Variants in PTPRD observed in about 807,000 individuals in gnomAD.
PTPRD encodes protein tyrosine phosphatase receptor type D, also known as receptor-type tyrosine-protein phosphatase delta.
Under a neutral mutation model 214.5 loss-of-function variants are expected in PTPRD, and 34 were observed. The ratio of observed to expected loss-of-function variants is 0.16; its 90% CI spans 0.12 to 0.21. PTPRD has a LOEUF of 0.21. Ranked by LOEUF, PTPRD falls within the 10% of genes least tolerant of loss-of-function variation. The probability of loss-of-function intolerance (pLI) is 1.00; values close to 1 mark genes in which losing one functional copy is unlikely to be tolerated. For synonymous variants in PTPRD, 1,128 were observed against 845.7 expected, an observed-to-expected ratio of 1.33 and a Z score of -5.79; for missense variants, 2,545 against 2,398.7, an observed-to-expected ratio of 1.06 and a Z score of -1.27.
At chr9:10,384,263 C>G (rs1352414160) in intron 2 of PTPRD, among the ~76,000 whole-genome samples, 1 of 151,362 alleles carries the variant, frequency 6.6e-6, no homozygotes, top group East Asian at 2.0e-4. Flanking sequence ...CATTACATGC[C>G]TATATCAAAA....
intron 3 of PTPRD, among the ~76,000 whole-genome samples, chr9:10,139,786 G>C (rs1308011882): frequency 1.3e-5 from 2 of 151,964 alleles, no homozygotes; most frequent in East Asian, 1.9e-4. Flanking sequence ...ATAAGGAATG[G>C]GGCAAAGATT....
chr9:10,581,586 T>C (rs941122257), intron 2 of PTPRD, among the ~76,000 whole-genome samples: 5 of 152,188 alleles, frequency 3.3e-5, no homozygotes, highest in Admixed American at 6.5e-5. Flanking sequence ...TTCCCAATGA[T>C]AGTTACCAGG....
chr9:8,891,145 T>TCC, intron 11 of PTPRD, among the ~76,000 whole-genome samples: 1 of 147,492 alleles, frequency 6.8e-6, no homozygotes, highest in Non-Finnish European at 1.5e-5. Flanking sequence ...TAATTTTTTT[T>TCC]TTTTTTGAGA....
chr9:8,690,321 A>G (rs537083030), intron 12 of PTPRD, among the ~76,000 whole-genome samples: 2 of 151,888 alleles, frequency 1.3e-5, no homozygotes, highest in Non-Finnish European at 2.9e-5. Flanking sequence ...AGGTCAGGAC[A>G]TGGAGACCAT....
chr9:10,115,958 T>G (rs189841578), intron 3 of PTPRD, among the ~76,000 whole-genome samples: 8 of 152,144 alleles, frequency 5.3e-5, no homozygotes, highest in African/African-American at 1.7e-4. Flanking sequence ...TATGGAAACA[T>G]GCAATACATA....
chr9:9,681,012 T>C (rs866585556), intron 7 of PTPRD, among the ~76,000 whole-genome samples: 12 of 151,958 alleles, frequency 7.9e-5, no homozygotes, highest in Middle Eastern at 3.4e-3. Context: ...GTAAAATTTT[T>C]CACACAGAGC....
At chr9:9,626,976 T>A (rs1197178333) in intron 7 of PTPRD, among the ~76,000 whole-genome samples, 1 of 152,202 alleles carries the variant, frequency 6.6e-6, no homozygotes, top group African/African-American at 2.4e-5. Flanking sequence ...TTAGGAATAG[T>A]ATAAGACAGA....
At chr9:8,530,712 G>A (rs186450041) in intron 14 of PTPRD, among the ~76,000 whole-genome samples, 88 of 152,160 alleles carry the variant, frequency 5.8e-4, no homozygotes, top group African/African-American at 2.1e-3. Flanking sequence ...CAGAACTTCT[G>A]GTAGAGAGGC....
At chr9:9,231,130 C>T (rs1260617066) in intron 9 of PTPRD, among the ~76,000 whole-genome samples, 1 of 152,058 alleles carries the variant, frequency 6.6e-6, no homozygotes, top group African/African-American at 2.4e-5. Flanking sequence ...GTTTTGGTAA[C>T]AGGCTTATAT....
chr9:10,377,226 G>A (rs2097748736), intron 2 of PTPRD, among the ~76,000 whole-genome samples: 1 of 151,900 alleles, frequency 6.6e-6, no homozygotes, highest in African/African-American at 2.4e-5. Flanking sequence ...TGTTGCAAAT[G>A]ACAGGATCTC....
At position 10,449,291 on chromosome 9, in the gene PTPRD, T is replaced by C. The variant is rs1294195808; in HGVS notation, c.-599-108274A>G. 2.6e-5 allele frequency among the ~76,000 whole-genome samples: 4 copies of C among 152,018 alleles called. No homozygotes were observed. In the East Asian group the frequency reaches 7.7e-4, roughly 29 times the overall value. Reference sequence around the variant, plus strand: ...CCTGACGGCGAGTGATCTGCCCACCTGGGCCTCCCGAGGCGCCGGGATTGC... The same window carrying C: ...CCTGACGGCGAGTGATCTGCCCACCCGGGCCTCCCGAGGCGCCGGGATTGC... On this transcript the variant is annotated intron_variant, in intron 2 of 45. Transcript: ENST00000381196.
At chr9:8,499,977 C>A in intron 24 of PTPRD, 137 bp from the exon 25 acceptor site, 30 of 423,908 alleles carry the variant, frequency 7.1e-5, no homozygotes, top group East Asian at 2.2e-4. Flanking sequence ...AGAATACAAA[C>A]ATTTTCAACC....
intron 5 of PTPRD, among the ~76,000 whole-genome samples, chr9:9,864,700 G>T (rs1444219912): frequency 6.6e-6 from 1 of 151,930 alleles, no homozygotes; most frequent in South Asian, 2.1e-4. Flanking sequence ...TTAATTTTCT[G>T]TAGAGACAGG....
chr9:8,860,366 G>A (rs1468020871), intron 11 of PTPRD: 1 of 152,196 alleles, frequency 6.6e-6, no homozygotes, highest in African/African-American at 2.4e-5. Flanking sequence ...GACAGTACAA[G>A]TAAATGGCAT....
intron 3 of PTPRD, among the ~76,000 whole-genome samples, chr9:10,205,999 A>T (rs1170619268): frequency 6.6e-6 from 1 of 151,584 alleles, no homozygotes; most frequent in East Asian, 1.9e-4. Flanking sequence ...GGAGTCTGAT[A>T]TGTAAATCAA....
chr9:8,574,743 TC>T (rs1332458980), intron 14 of PTPRD, among the ~76,000 whole-genome samples: 1 of 152,058 alleles, frequency 6.6e-6, no homozygotes, highest in Non-Finnish European at 1.5e-5. Context: ...CATTCATTCC[TC>T]CCCCTGAGCT....
intron 12 of PTPRD, chr9:8,713,428 G>T: frequency 9.1e-7 from 1 of 1,093,332 alleles, no homozygotes; most frequent in Non-Finnish European, 1.4e-6. Context: ...TCGTGTCGTC[G>T]CCAAGTCCCG....
At chr9:10,446,695 T>A (rs546220237) in intron 2 of PTPRD, among the ~76,000 whole-genome samples, 1 of 152,166 alleles carries the variant, frequency 6.6e-6, no homozygotes, top group Non-Finnish European at 1.5e-5. Context: ...GTTTGATTTA[T>A]CTGCAAGAAA....
At chr9:9,832,232 T>C (rs560840526) in intron 5 of PTPRD, among the ~76,000 whole-genome samples, 1 of 152,080 alleles carries the variant, frequency 6.6e-6, no homozygotes, top group South Asian at 2.1e-4. Context: ...GAAGTAGATC[T>C]TGGAGTAGCA....
Sources: gnomAD v4.1 joint callset for allele counts (sites outside exome capture counted in the v4.1 genomes callset) on GRCh38, gnomAD v4.1.1 for gene constraint, MANE v1.5 for transcripts, NCBI Gene and HGNC (gene_info 2026-07-23, HGNC 2026-07-21) for gene names.